The following ADCY2 variants were observed in gnomAD, a reference collection of about 807,000 sequenced individuals.
ADCY2 encodes the protein adenylate cyclase type 2.
ADCY2 carries 31 observed loss-of-function variants against 125.2 expected under a neutral mutation model. The ratio of observed to expected loss-of-function variants is 0.25; its 90% confidence interval spans 0.19 to 0.33. The LOEUF is 0.33. ADCY2 is among the 10% of genes least tolerant of loss of function. The pLI, the probability that ADCY2 is intolerant of heterozygous loss-of-function variation, is 1.00. For missense variants in ADCY2, 904 were observed against 1,418.2 expected (o/e 0.64, Z 5.82); for synonymous variants, 512 against 548.4 (o/e 0.93, Z 0.93).
intron 4 of ADCY2, among the ~76,000 whole-genome samples, chr5:7,646,523 G>T (rs1738904046): frequency 6.6e-6 from 1 of 152,126 alleles, no homozygotes. Flanking sequence ...AACATTCAGT[G>T]TGAAGGAGAA....
intron 2 of ADCY2, among the ~76,000 whole-genome samples, chr5:7,418,804 T>C (rs1168481480): frequency 6.6e-6 from 1 of 151,770 alleles, no homozygotes; most frequent in Non-Finnish European, 1.5e-5. Flanking sequence ...TATAGGCACG[T>C]GCCACCACAC....
intron 4 of ADCY2, among the ~76,000 whole-genome samples, chr5:7,656,314 G>T (rs1165733824): frequency 2.0e-5 from 3 of 152,250 alleles, no homozygotes; most frequent in African/African-American, 7.2e-5. Flanking sequence ...TCAGCCTTCC[G>T]AAGTGCTGGG....
At position 7,398,220 on chromosome 5, in the gene ADCY2, C is replaced by T. The variant is rs148003743; in HGVS notation, c.210+1714C>T. Among the ~76,000 whole-genome samples the T allele has an allele frequency of 1.7e-3, 255 of 152,290 alleles. 1 individual carries two copies. Among genetic ancestry groups the T allele is most frequent in the African/African-American group, 5.9e-3 (246 of 41,562 alleles). ...ATAGCAGCATTAATATATTTAAAGA[C>T]AAGTGTGAAATTCATGCTTCCTCTG... is the stretch of plus-strand genomic sequence containing the variant. On this transcript the variant is annotated intron_variant, in intron 1 of 24. Transcript: ENST00000338316.
At chr5:7,589,212 G>A (rs901924432) in intron 3 of ADCY2, among the ~76,000 whole-genome samples, 2 of 151,848 alleles carry the variant, frequency 1.3e-5, no homozygotes, top group Non-Finnish European at 2.9e-5. Context: ...TTTCTAAAGG[G>A]TTTGCTACTG....
chr5:7,512,237 A>AAAAAAAAAAAAAAAAAAAAAAAAAAAC (rs1321529228), intron 2 of ADCY2, among the ~76,000 whole-genome samples: 1 of 149,696 alleles, frequency 6.7e-6, no homozygotes. Context: ...AAAAAAAAAA[A>AAAAAAAAAAAAAAAAAAAAAAAAAAAC]AAAGAAAACC....
At chr5:7,503,405 C>T (rs2126507350) in intron 2 of ADCY2, among the ~76,000 whole-genome samples, 1 of 152,248 alleles carries the variant, frequency 6.6e-6, no homozygotes, top group South Asian at 2.1e-4. Context: ...TCGCTCGCAC[C>T]CCTACCTCTG....
chr5:7,818,956 T>A (rs1745209237), intron 23 of ADCY2, among the ~76,000 whole-genome samples: 1 of 152,024 alleles, frequency 6.6e-6, no homozygotes, highest in Non-Finnish European at 1.5e-5. Flanking sequence ...ACTCACACAA[T>A]CACAAGGCGA....
At chr5:7,505,180 G>A (rs1380063022) in intron 2 of ADCY2, among the ~76,000 whole-genome samples, 1 of 152,144 alleles carries the variant, frequency 6.6e-6, no homozygotes, top group Non-Finnish European at 1.5e-5. Context: ...CACCGTGCCT[G>A]GCCTGAAGTG....
chr5:7,536,378 C>G (rs1011721529), intron 3 of ADCY2, among the ~76,000 whole-genome samples: 30 of 152,256 alleles, frequency 2.0e-4, no homozygotes, highest in Admixed American at 1.9e-3. Flanking sequence ...TGGATCCCAG[C>G]CAAGAACAAG....
chr5:7,453,518 G>T (rs1741550022), intron 2 of ADCY2, among the ~76,000 whole-genome samples: 1 of 152,126 alleles, frequency 6.6e-6, no homozygotes, highest in Admixed American at 6.5e-5. Context: ...TCAGAAGAAA[G>T]AATTCGACTT....
At chr5:7,732,172 A>T (rs1742123717) in intron 14 of ADCY2, among the ~76,000 whole-genome samples, 1 of 152,236 alleles carries the variant, frequency 6.6e-6, no homozygotes, top group African/African-American at 2.4e-5. Context: ...AGGTTCCTGC[A>T]CTAAGGAGGT....
At chr5:7,584,982 G>A (rs1402763415) in intron 3 of ADCY2, among the ~76,000 whole-genome samples, 1 of 152,046 alleles carries the variant, frequency 6.6e-6, no homozygotes. Flanking sequence ...TGGAAAAAAT[G>A]TTTTCTAAAA....
chr5:7,541,236 T>C (rs969916883), intron 3 of ADCY2, among the ~76,000 whole-genome samples: 1 of 152,204 alleles, frequency 6.6e-6, no homozygotes, highest in African/African-American at 2.4e-5. Flanking sequence ...TGCAGGGTTT[T>C]CATGGTCTGC....
chr5:7,552,825 C>G (rs1245435798), intron 3 of ADCY2, among the ~76,000 whole-genome samples: 1 of 152,050 alleles, frequency 6.6e-6, no homozygotes, highest in East Asian at 1.9e-4. Context: ...AGCTTTAGAA[C>G]CTGTATGGTA....
chr5:7,404,641 A>AT (rs1023675306), intron 1 of ADCY2, among the ~76,000 whole-genome samples: 1 of 152,160 alleles, frequency 6.6e-6, no homozygotes, highest in Non-Finnish European at 1.5e-5. Flanking sequence ...ACTTTCATTC[A>AT]TTTTTTTATT....
intron 2 of ADCY2, among the ~76,000 whole-genome samples, chr5:7,424,853 T>C (rs1203768152): frequency 6.6e-6 from 1 of 152,056 alleles, no homozygotes; most frequent in East Asian, 1.9e-4. Context: ...ATACATAGAG[T>C]CCTTATAATT....
intron 4 of ADCY2, among the ~76,000 whole-genome samples, chr5:7,638,802 G>A (rs1738594083): frequency 6.6e-6 from 1 of 152,286 alleles, no homozygotes; most frequent in Middle Eastern, 3.4e-3. Context: ...CTTTGGCGGT[G>A]ATACGGTTTG....
intron 4 of ADCY2, among the ~76,000 whole-genome samples, chr5:7,678,242 A>G (rs1740201753): frequency 6.6e-6 from 1 of 152,102 alleles, no homozygotes; most frequent in Non-Finnish European, 1.5e-5. Context: ...TGGCTCTTCC[A>G]CACTCAATTC....
chr5:7,399,856 C>G (rs991574485), intron 1 of ADCY2, among the ~76,000 whole-genome samples: 3 of 152,220 alleles, frequency 2.0e-5, no homozygotes, highest in Admixed American at 2.0e-4. Flanking sequence ...CCCCTGGCAT[C>G]AGAAAACTTA....
Sources: allele counts gnomAD v4.1 joint callset (sites outside exome capture counted in the v4.1 genomes callset), GRCh38; gene constraint gnomAD v4.1.1; transcripts MANE v1.5; gene names NCBI Gene and HGNC (gene_info 2026-07-23, HGNC 2026-07-21).